Variants in COL6A1 observed in about 807,000 individuals in gnomAD.
The protein encoded by COL6A1 is collagen alpha-1(VI) chain.
COL6A1 carries 80 observed loss-of-function variants against 145.6 expected under a neutral mutation model. The observed-to-expected ratio is 0.55, with a 90% CI of 0.46 to 0.66. The LOEUF (loss-of-function observed/expected upper bound fraction) is 0.66, where lower values mean the gene tolerates loss of function less well. Ranked by LOEUF, COL6A1 falls within the 30% of genes least tolerant of loss-of-function variation. The probability of loss-of-function intolerance (pLI) is 0.00; values close to 1 mark genes in which losing one functional copy is unlikely to be tolerated. For missense variants in COL6A1, 1,364 were observed against 1,473.8 expected, an observed-to-expected ratio of 0.93 and a Z score of 1.22; for synonymous variants, 638 against 622.8, an observed-to-expected ratio of 1.02 and a Z score of -0.36.
intron 2 of COL6A1, 52 bp from the exon 3 acceptor site, chr21:45,984,217 C>T (rs948395131): frequency 3.9e-6 from 6 of 1,532,902 alleles, no homozygotes; most frequent in African/African-American, 1.4e-5. Context: ...GGACGGGTAG[C>T]GATGGCGCCA....
intron 20 of COL6A1, among the ~76,000 whole-genome samples, 175 bp from the exon 21 acceptor site, chr21:45,997,242 TCGTG>T (rs2077810464): frequency 3.0e-5 from 2 of 65,694 alleles, no homozygotes; most frequent in South Asian, 5.7e-4. Flanking sequence ...CCCAGGCCCT[TCGTG>T]CAGGCCCTTC....
chr21:45,987,563 G>A, intron 7 of COL6A1, 44 bp downstream of exon 7: 1 of 1,612,752 alleles, frequency 6.2e-7, no homozygotes, highest in Admixed American at 1.7e-5. Flanking sequence ...CTGCACCCTG[G>A]GAACCTGAGT....
intron 32 of COL6A1, 52 bp from the exon 33 acceptor site, chr21:46,002,475 A>G: frequency 6.2e-7 from 1 of 1,613,430 alleles, no homozygotes; most frequent in South Asian, 1.1e-5. Flanking sequence ...TTGTCCCCAG[A>G]AAGACGAGGG....
intron 11 of COL6A1, 104 bp from the exon 12 acceptor site, chr21:45,990,154 C>G: frequency 7.2e-7 from 1 of 1,380,534 alleles, no homozygotes. Flanking sequence ...GTTGTCCCCT[C>G]GGGTTGGGGG....
At position 46,003,041 on chromosome 21, in the gene COL6A1, C is replaced by T. The variant is rs1022754267; in HGVS notation, c.2435-79C>T. 58 of 1,604,398 alleles carry T rather than the reference C, an allele frequency of 3.6e-5. 1 individual carries two copies. Among genetic ancestry groups the T allele is most frequent in the Middle Eastern group, 1.7e-4 (1 of 6,050 alleles). On this transcript the variant is annotated intron_variant, in intron 33 of 34. Transcript: ENST00000361866. Reference sequence around the variant, plus strand: ...GGGCACGGCCACCCCTGTGCTCGGCCGGGAGGTCCTGTGACATCTCCTTGC... The same window carrying T: ...GGGCACGGCCACCCCTGTGCTCGGCTGGGAGGTCCTGTGACATCTCCTTGC...
At chr21:46,002,095 C>A (rs1351561413) in intron 31 of COL6A1, 25 bp downstream of exon 31, 2 of 1,595,994 alleles carry the variant, frequency 1.3e-6, no homozygotes, top group African/African-American at 1.3e-5. Context: ...CGGCCAGGAC[C>A]CTCCCACCCC....
chr21:45,984,647 G>A (rs902322583), intron 3 of COL6A1, among the ~76,000 whole-genome samples, 178 bp downstream of exon 3: 10 of 152,244 alleles, frequency 6.6e-5, no homozygotes, highest in African/African-American at 2.2e-4. Flanking sequence ...GACAGAGACA[G>A]AGAGAAACAG....
Position 45,997,306 on chromosome 21 carries a change from G to T in COL6A1, c.1399-115G>T. The T allele has an allele frequency of 2.1e-6, 2 of 964,546 alleles. 1 individual carries two copies. The highest frequency in any genetic ancestry group is 2.6e-5 in the South Asian group (2 of 76,538). 59.7% of individuals were successfully genotyped at this position (964,546 alleles called of 1,614,324 possible). A position where few individuals can be genotyped will look rare whatever the true frequency, so the allele number is the denominator to read the frequency against. ...TCTCCCCCTGCACTGATGGGACTGG[G>T]GCCAGAGCCTGGGGGCCCTGATGCC... On this transcript the variant is annotated intron_variant, in intron 20 of 34. Transcript: ENST00000361866.
chr21:45,982,722 C>T lies in COL6A1; in HGVS notation c.186C>T (p.Val62=), dbSNP rs1484725853. 6.2e-7 allele frequency: 1 copy of T among 1,612,792 alleles called. No individual in the cohort carries two copies. The highest frequency in any genetic ancestry group is 8.5e-7 in the Non-Finnish European group (1 of 1,179,966). The change falls in exon 2 of 35, where the codon GTC becomes GTT. Residue 62 remains valine, a synonymous_variant. Coordinates refer to ENST00000361866, the MANE Select transcript of COL6A1 (RefSeq NM_001848.3). ...CCTACGGGGCCCTCGTGGACAAAGT[C>T]AAGTCCTTCACCAAGCGCTTCATCG... ...LKPYGALVDK[V]KSFTKRFIDN...
At chr21:46,000,716 C>T (rs1455106667) in intron 28 of COL6A1, 43 bp from the exon 29 acceptor site, 10 of 1,613,668 alleles carry the variant, frequency 6.2e-6, no homozygotes, top group African/African-American at 4.0e-5. Flanking sequence ...GTGCGCAGGA[C>T]GCGGCCCTGA....
Position 45,990,825 on chromosome 21 carries a change from A to G in COL6A1, c.1055A>G (p.Asp352Gly). ...LPGCKGSPGF[D>G]GIQGPPGPKG... is the part of the protein sequence containing the mutation. ...GGCTGCAAGGGCTCGCCCGGGTTTG[A>G]CGTAAGTCACTTCCTCTCACTGATA... is the stretch of plus-strand genomic sequence containing the variant. The change falls in exon 14 of 35, where the codon GAC becomes GGC. Residue 352 changes from aspartate to glycine, a missense_variant and splice_region_variant. Transcript: ENST00000361866. The G allele has an allele frequency of 6.2e-7, 1 of 1,613,290 alleles. No homozygotes were observed. The highest frequency in any genetic ancestry group is 1.3e-5 in the African/African-American group (1 of 74,988).
rs144671871 is a variant in COL6A1 at position 46,003,709 on chromosome 21, G to T, written c.2783G>T (p.Arg928Leu). The stretch of plus-strand genomic sequence containing the variant: ...CTGGGCTATGTGACCCGCTTCTACC[G>T]CGAGGCCTCGTCCGGCGCTGCCAAG... ...DALGYVTRFY[R>L]EASSGAAKKR... The change falls in exon 35 of 35, where the codon CGC (arginine) becomes CTC (leucine). Residue 928 changes from arginine to leucine, a missense_variant. This residue lies in a region of COL6A1 where 938 missense variants were observed against 1,003.8 expected (regional missense o/e 0.93). Coordinates refer to ENST00000361866, the MANE Select transcript of COL6A1 (RefSeq NM_001848.3). The T allele has an allele frequency of 8.7e-6, 14 of 1,612,866 alleles. No individual in the cohort carries two copies. The highest frequency in any genetic ancestry group is 1.2e-5 in the Non-Finnish European group (14 of 1,179,938).
At position 45,999,618 on chromosome 21, in the gene COL6A1, C is replaced by T. The variant is rs747518353; in HGVS notation, c.1741-39C>T. The T allele has an allele frequency of 1.2e-5, 19 of 1,611,090 alleles. No individual in the cohort carries two copies. The South Asian group carries it at 1.4e-4, about 12-fold the overall frequency. ...CTCAGCTCAGGAAGCACAGTGGGCT[C>T]CTCACCCTCAGAGCTCCTCTACTCC... On this transcript the variant is annotated intron_variant, in intron 26 of 34. Coordinates refer to ENST00000361866, the MANE Select transcript of COL6A1 (RefSeq NM_001848.3).
chr21:45,992,851 G>T, intron 19 of COL6A1, 41 bp downstream of exon 19: 1 of 1,548,952 alleles, frequency 6.5e-7, no homozygotes, highest in Non-Finnish European at 8.8e-7. Flanking sequence ...CCCCAGGAAG[G>T]GGCAGGCGGA....
chr21:45,993,729 C>T (rs969923889), intron 19 of COL6A1, among the ~76,000 whole-genome samples: 4 of 152,160 alleles, frequency 2.6e-5, no homozygotes, highest in African/African-American at 9.7e-5. Flanking sequence ...AAGCAGGGAT[C>T]GTGTGACTTA....
At chr21:46,000,429 C>T (rs1219063608) in intron 28 of COL6A1, 62 bp downstream of exon 28, 2 of 1,578,178 alleles carry the variant, frequency 1.3e-6, no homozygotes, top group Non-Finnish European at 1.7e-6. Context: ...TGGCCTGTTC[C>T]ACTCCTAGAA....
intron 15 of COL6A1, among the ~76,000 whole-genome samples, chr21:45,991,467 T>G (rs2077776866): frequency 1.5e-5 from 2 of 132,048 alleles, no homozygotes; most frequent in African/African-American, 2.7e-5. Flanking sequence ...GGTGAGCGGG[T>G]GGGAGGGCGA....
At chr21:46,003,047 G>A in intron 33 of COL6A1, 73 bp from the exon 34 acceptor site, 1 of 1,608,578 alleles carries the variant, frequency 6.2e-7, no homozygotes, top group Non-Finnish European at 8.5e-7. Flanking sequence ...CGGCCGGGAG[G>A]TCCTGTGACA....
intron 6 of COL6A1, 155 bp downstream of exon 6, chr21:45,987,330 C>T (rs1350163151): frequency 3.4e-6 from 5 of 1,466,658 alleles, no homozygotes; most frequent in East Asian, 4.5e-5. Context: ...GGATGTGTGT[C>T]CCCCTGCGTG....
Sources: gnomAD v4.1 joint callset for allele counts (sites outside exome capture counted in the v4.1 genomes callset) on GRCh38, gnomAD v4.1.1 for gene constraint, gnomAD v4.1.1 regional missense constraint, MANE v1.5 for transcripts, NCBI Gene and HGNC (gene_info 2026-07-23, HGNC 2026-07-21) for gene names.